The following TSPAN14 variants were observed in gnomAD, a reference collection of about 807,000 sequenced individuals.
The protein encoded by TSPAN14 is tetraspanin 14.
TSPAN14 carries 16 observed loss-of-function variants against 36.6 expected under a neutral mutation model. The ratio of observed to expected loss-of-function variants is 0.44; its 90% CI spans 0.30 to 0.66. The LOEUF (loss-of-function observed/expected upper bound fraction) is 0.66. TSPAN14 is among the 30% of genes least tolerant of loss of function. TSPAN14 has a pLI of 0.12. For missense variants in TSPAN14, 231 were observed against 355.1 expected, an observed-to-expected ratio of 0.65 and a Z score of 2.81; for synonymous variants, 139 against 143.8, an observed-to-expected ratio of 0.97 and a Z score of 0.24.
intron 1 of TSPAN14, among the ~76,000 whole-genome samples, chr10:80,475,175 G>T (rs1240622074): frequency 6.6e-6 from 1 of 152,200 alleles, no homozygotes; most frequent in East Asian, 1.9e-4. Context: ...TGGATCCAAG[G>T]CTCACAAACA....
At chr10:80,480,355 C>T (rs1847190529) in intron 1 of TSPAN14, among the ~76,000 whole-genome samples, 1 of 152,164 alleles carries the variant, frequency 6.6e-6, no homozygotes, top group South Asian at 2.1e-4. Context: ...TGAGAGAGGG[C>T]ATCCCAGTCA....
intron 1 of TSPAN14, among the ~76,000 whole-genome samples, chr10:80,476,553 A>C (rs373386466): frequency 3.0e-4 from 45 of 151,374 alleles, no homozygotes; most frequent in South Asian, 6.3e-4. Context: ...GTAGCTGGGA[A>C]TACAGGCACC....
At chr10:80,518,806 C>T (rs1841093629) in exon 9 of TSPAN14, 1 of 152,904 alleles carries the variant, frequency 6.5e-6, no homozygotes, top group African/African-American at 2.4e-5. Context: ...TTCACTTCCT[C>T]TTCCTCTCCT....
chr10:80,486,278 C>G (rs906296761), intron 1 of TSPAN14, among the ~76,000 whole-genome samples: 4 of 152,248 alleles, frequency 2.6e-5, no homozygotes, highest in African/African-American at 9.6e-5. Context: ...AACTGCATCC[C>G]CATGAAGTGT....
chr10:80,516,322 A>T (rs1460626587), exon 8 of TSPAN14: 1 of 1,614,214 alleles, frequency 6.2e-7, no homozygotes, highest in Non-Finnish European at 8.5e-7. Context: ...TCGCTGTTGC[A>T]GGTGTGTCCC....
At chr10:80,460,278 A>G (rs1235917402) in intron 1 of TSPAN14, among the ~76,000 whole-genome samples, 3 of 152,204 alleles carry the variant, frequency 2.0e-5, no homozygotes, top group African/African-American at 2.4e-5. Flanking sequence ...TGCTGCAGGC[A>G]GGCCAGGGTG....
intron 2 of TSPAN14, among the ~76,000 whole-genome samples, chr10:80,499,107 G>A (rs1157951513): frequency 6.6e-6 from 1 of 152,186 alleles, no homozygotes; most frequent in African/African-American, 2.4e-5. Context: ...ATGAAATCTT[G>A]CAAGGAGCCA....
At chr10:80,471,992 T>C (rs115292843) in intron 1 of TSPAN14, among the ~76,000 whole-genome samples, 11,013 of 152,106 alleles carry the variant, frequency 0.072, 513 homozygotes, top group South Asian at 0.14. Flanking sequence ...CTGGGCAACA[T>C]AGGGAGACCC....
At chr10:80,468,651 C>T (rs1364836467) in intron 1 of TSPAN14, 1 of 152,120 alleles carries the variant, frequency 6.6e-6, no homozygotes, top group Admixed American at 6.6e-5. Context: ...GGGTCTCCAT[C>T]CAGATCAGCT....
chr10:80,469,923 G>C (rs1846450255), intron 1 of TSPAN14, among the ~76,000 whole-genome samples: 1 of 151,920 alleles, frequency 6.6e-6, no homozygotes. Context: ...GTTGTCCCTT[G>C]GTGTCCTGTC....
chr10:80,510,094 C>G (rs1840535284), intron 5 of TSPAN14, among the ~76,000 whole-genome samples: 2 of 152,224 alleles, frequency 1.3e-5, no homozygotes. Context: ...CACCTGGACG[C>G]TTGGACCATA....
At chr10:80,518,073 C>G in exon 9 of TSPAN14, 1 of 1,265,162 alleles carries the variant, frequency 7.9e-7, no homozygotes, top group South Asian at 1.3e-5. Flanking sequence ...GCCGACACCC[C>G]CAGAGCCAGT....
chr10:80,520,539 C>T (rs1841206101), exon 9 of TSPAN14: 1 of 492,548 alleles, frequency 2.0e-6, no homozygotes, highest in African/African-American at 2.0e-5. Flanking sequence ...TCACCATGCA[C>T]ATGCTAACTT....
intron 7 of TSPAN14, among the ~76,000 whole-genome samples, chr10:80,514,591 C>G (rs1408112604): frequency 6.6e-6 from 1 of 152,040 alleles, no homozygotes; most frequent in African/African-American, 2.4e-5. Flanking sequence ...TTCTAGTGGT[C>G]TTTGGTGATA....
intron 2 of TSPAN14, among the ~76,000 whole-genome samples, chr10:80,499,560 C>T (rs1848380798): frequency 6.6e-6 from 1 of 152,148 alleles, no homozygotes; most frequent in Non-Finnish European, 1.5e-5. Flanking sequence ...GGCAGCTGCT[C>T]TGTGGGTGGT....
exon 9 of TSPAN14, chr10:80,520,970 A>G: frequency 4.7e-6 from 2 of 421,328 alleles, no homozygotes; most frequent in South Asian, 3.6e-5. Context: ...CACTACCCAC[A>G]GGGCAGGGCT....
At chr10:80,515,328 C>G (rs1483192536) in intron 7 of TSPAN14, 2 of 152,388 alleles carry the variant, frequency 1.3e-5, no homozygotes, top group Admixed American at 6.5e-5. Context: ...GGCCTCTCTC[C>G]TGGCTGCAGG....
chr10:80,467,286 A>G (rs997107033), intron 1 of TSPAN14, among the ~76,000 whole-genome samples: 2 of 152,118 alleles, frequency 1.3e-5, no homozygotes, highest in Non-Finnish European at 2.9e-5. Flanking sequence ...CGTGGCCAAG[A>G]GGGTCTGTTT....
chr10:80,514,151 G>T, intron 7 of TSPAN14, 88 bp downstream of exon 7: 3 of 1,298,480 alleles, frequency 2.3e-6, no homozygotes, highest in South Asian at 1.3e-5. Context: ...AGTGCAAATT[G>T]AAGTGGGAAA....
Sources: allele counts gnomAD v4.1 joint callset (sites outside exome capture counted in the v4.1 genomes callset), GRCh38; gene constraint gnomAD v4.1.1; transcripts MANE v1.5; gene names NCBI Gene and HGNC (gene_info 2026-07-23, HGNC 2026-07-21).